Variants in AAK1 observed in about 807,000 individuals in gnomAD.
AAK1 encodes AP2 associated kinase 1.
Under a neutral mutation model 116.0 loss-of-function variants are expected in AAK1, and 37 were observed. That is an observed-to-expected ratio of 0.32 (90% CI 0.25 to 0.42). The LOEUF (loss-of-function observed/expected upper bound fraction) is 0.42. AAK1 is among the 10% of genes least tolerant of loss of function. The pLI, the probability that AAK1 is intolerant of heterozygous loss-of-function variation, is 1.00. For missense variants in AAK1, 919 were observed against 1,170.6 expected (o/e 0.79, Z 3.14); for synonymous variants, 458 against 439.9 (o/e 1.04, Z -0.51).
intron 17 of AAK1, among the ~76,000 whole-genome samples, chr2:69,487,778 G>C (rs1572887152): frequency 7.1e-6 from 1 of 139,886 alleles, no homozygotes; most frequent in African/African-American, 2.6e-5. Flanking sequence ...AGTATTTTTT[G>C]TTTGTTTGCT....
chr2:69,587,535 G>A (rs1361627847), intron 2 of AAK1, among the ~76,000 whole-genome samples: 9 of 150,698 alleles, frequency 6.0e-5, no homozygotes, highest in Admixed American at 5.9e-4. Context: ...GCGGGATCTC[G>A]GCTCACTGCA....
At chr2:69,529,608 A>G (rs1670168260) in intron 8 of AAK1, among the ~76,000 whole-genome samples, 1 of 152,216 alleles carries the variant, frequency 6.6e-6, no homozygotes, top group South Asian at 2.1e-4. Flanking sequence ...TTAATTATCT[A>G]TTCACTCCAG....
rs1184371683 is a variant in AAK1 at position 69,458,110 on chromosome 2, C to T, written c.*17759G>A. The stretch of plus-strand genomic sequence containing the variant: ...ACACCGAGAGTGCAATAACATAAAT[C>T]CAATGGTCTGCAAATAAGAGGTATT... On this transcript the variant is annotated 3_prime_UTR_variant, in exon 22 of 22. Transcript: ENST00000409085. 6.6e-6 allele frequency: 1 copy of T among 152,024 alleles called. No homozygotes were observed. The highest frequency in any genetic ancestry group is 1.5e-5 in the Non-Finnish European group (1 of 67,988). The allele number at this position is 152,024 out of a possible 1,614,324, so 9.4% of individuals were successfully genotyped here. A position where few individuals can be genotyped will look rare whatever the true frequency, so the allele number is the denominator to read the frequency against.
In AAK1 at chr2:69,472,299, T is replaced by C; in HGVS notation, c.*3570A>G. 2.7e-6 allele frequency: 1 copy of C among 368,042 alleles called. No homozygotes were observed. Among genetic ancestry groups the C allele is most frequent in the African/African-American group, 2.2e-5 (1 of 45,558 alleles). The allele number at this position is 368,042 out of a possible 1,614,324, so 22.8% of individuals were successfully genotyped here. ...AAATGTTACTCAGAACCAAGAGTAG[T>C]AGAAAAAGTAGACAAAGAAAGAATA... is the stretch of plus-strand genomic sequence containing the variant. On this transcript the variant is annotated 3_prime_UTR_variant, in exon 22 of 22. Coordinates refer to ENST00000409085, the MANE Select transcript of AAK1 (RefSeq NM_014911.5).
rs1222344561 is a variant in AAK1 at position 69,462,582 on chromosome 2, G to A, written c.*13287C>T. Reference sequence around the variant, plus strand: ...TAATCCCAGCTACTCGGGAGGCTGAGGCAGAATCGCTTGAACTCGGAAAAT... The same window carrying A: ...TAATCCCAGCTACTCGGGAGGCTGAAGCAGAATCGCTTGAACTCGGAAAAT... On this transcript the variant is annotated 3_prime_UTR_variant, in exon 22 of 22. Coordinates refer to ENST00000409085, the MANE Select transcript of AAK1 (RefSeq NM_014911.5). 1.3e-5 allele frequency: 2 copies of A among 151,926 alleles called. No homozygotes were observed. The highest frequency in any genetic ancestry group is 2.9e-5 in the Non-Finnish European group (2 of 68,088). 9.4% of individuals were successfully genotyped at this position (151,926 alleles called of 1,614,324 possible). A position where few individuals can be genotyped will look rare whatever the true frequency, so the allele number is the denominator to read the frequency against.
At chr2:69,584,279 G>A (rs1315767649) in intron 2 of AAK1, among the ~76,000 whole-genome samples, 1 of 152,196 alleles carries the variant, frequency 6.6e-6, no homozygotes, top group Non-Finnish European at 1.5e-5. Flanking sequence ...TCATAATTAG[G>A]TCATTACATA....
At chr2:69,632,926 G>C (rs1027694536) in intron 2 of AAK1, among the ~76,000 whole-genome samples, 1 of 151,542 alleles carries the variant, frequency 6.6e-6, no homozygotes, top group East Asian at 1.9e-4. Flanking sequence ...CCAGCTACTC[G>C]GGAGGCTGAG....
intron 13 of AAK1, 44 bp downstream of exon 13, chr2:69,514,427 A>G (rs1676504408): frequency 4.7e-6 from 7 of 1,483,270 alleles, no homozygotes; most frequent in Non-Finnish European, 6.3e-6. Flanking sequence ...CTCGCTGCAC[A>G]TTCCTCTGCT....
chr2:69,538,256 T>C (rs1190704555), intron 5 of AAK1, among the ~76,000 whole-genome samples: 1 of 152,210 alleles, frequency 6.6e-6, no homozygotes, highest in Admixed American at 6.5e-5. Context: ...GCTGGGGAAA[T>C]GAAGTCTGGT....
At position 69,536,457 on chromosome 2, in the gene AAK1, T is replaced by C. The variant is rs369840902; in HGVS notation, c.535-4295A>G. ...CAACAGGGATGGAAGTAAGCAGGTG[T>C]GAATAGATTATGTGAGATTAAGAAG... On this transcript the variant is annotated intron_variant, in intron 5 of 21. Coordinates refer to ENST00000409085, the MANE Select transcript of AAK1 (RefSeq NM_014911.5). 1.2e-4 allele frequency among the ~76,000 whole-genome samples: 18 copies of C among 152,226 alleles called. No homozygotes were observed. In the East Asian group the frequency reaches 3.5e-3, roughly 29 times the overall value.
At chr2:69,570,761 TCTC>T (rs1672062090) in intron 2 of AAK1, among the ~76,000 whole-genome samples, 2 of 152,176 alleles carry the variant, frequency 1.3e-5, no homozygotes, top group Admixed American at 1.3e-4. Flanking sequence ...TACTTATAAT[TCTC>T]CTCTAGCTCT....
chr2:69,583,812 G>A (rs1672645536), intron 2 of AAK1, among the ~76,000 whole-genome samples: 3 of 151,928 alleles, frequency 2.0e-5, no homozygotes, highest in Non-Finnish European at 1.5e-5. Flanking sequence ...AGTTGACTTC[G>A]TTCCACTTTT....
At chr2:69,629,405 C>G (rs538336306) in intron 2 of AAK1, among the ~76,000 whole-genome samples, 1 of 152,294 alleles carries the variant, frequency 6.6e-6, no homozygotes, top group Non-Finnish European at 1.5e-5. Context: ...CTTTATATAG[C>G]TAAGATACAC....
intron 2 of AAK1, among the ~76,000 whole-genome samples, chr2:69,587,472 TATA>T (rs1486439980): frequency 2.1e-5 from 3 of 146,062 alleles, no homozygotes; most frequent in African/African-American, 7.7e-5. Context: ...TATATATATA[TATA>T]TATTTTTTTG....
At chr2:69,521,455 C>G (rs17036709) in intron 10 of AAK1, among the ~76,000 whole-genome samples, 3,070 of 152,194 alleles carry the variant, frequency 0.02, 93 homozygotes, top group African/African-American at 0.07. Context: ...AGTGGTCTCT[C>G]TAAAATGAAA....
chr2:69,560,105 G>C (rs759854939), intron 2 of AAK1, among the ~76,000 whole-genome samples: 1 of 152,162 alleles, frequency 6.6e-6, no homozygotes, highest in African/African-American at 2.4e-5. Context: ...CTATAAAAGG[G>C]CTTATCTGCA....
chr2:69,510,357 T>C (rs912676658), intron 13 of AAK1, among the ~76,000 whole-genome samples: 1 of 152,232 alleles, frequency 6.6e-6, no homozygotes, highest in Non-Finnish European at 1.5e-5. Flanking sequence ...GCTCCAACCA[T>C]GTTCTTGCAA....
chr2:69,505,045 TA>T (rs886631133), intron 16 of AAK1, among the ~76,000 whole-genome samples: 1 of 152,154 alleles, frequency 6.6e-6, no homozygotes, highest in South Asian at 2.1e-4. Flanking sequence ...AAGTCTCATT[TA>T]AAAAAACCTC....
chr2:69,516,392 C>T (rs775690140), intron 12 of AAK1, among the ~76,000 whole-genome samples: 3 of 150,756 alleles, frequency 2.0e-5, no homozygotes, highest in African/African-American at 4.9e-5. Context: ...AATATAAATC[C>T]GAATTCATAA....
Sources: gnomAD v4.1 joint callset for allele counts (sites outside exome capture counted in the v4.1 genomes callset) on GRCh38, gnomAD v4.1.1 for gene constraint, MANE v1.5 for transcripts, NCBI Gene and HGNC (gene_info 2026-07-23, HGNC 2026-07-21) for gene names.